The following STARD13 variants were observed in gnomAD, a reference collection of about 807,000 sequenced individuals.
STARD13 encodes the protein StAR related lipid transfer domain containing 13.
In STARD13, 62 loss-of-function variants were observed where a neutral mutation model predicts 106.4. The observed-to-expected ratio is 0.58, with a 90% CI of 0.48 to 0.72. The LOEUF is 0.72. STARD13 is among the 30% of genes least tolerant of loss of function. The pLI is 0.00. For synonymous variants in STARD13, 565 were observed against 553.0 expected, an observed-to-expected ratio of 1.02 and a Z score of -0.31; for missense variants, 1,387 against 1,424.0, an observed-to-expected ratio of 0.97 and a Z score of 0.42.
At chr13:33,499,654 T>TCTTCTTCTC in the STARD13 span, among the ~76,000 whole-genome samples, 1 of 144,044 alleles carries the variant, frequency 6.9e-6, no homozygotes, top group Non-Finnish European at 1.5e-5. Context: ...TTCTCCTTCT[T>TCTTCTTCTC]CTTCTTCTTC....
At chr13:33,450,262 A>G in the STARD13 span, among the ~76,000 whole-genome samples, 1 of 152,156 alleles carries the variant, frequency 6.6e-6, no homozygotes. Context: ...TGTTCCTTCT[A>G]TACCTAATTT....
At chr13:33,609,676 C>G in the STARD13 span, among the ~76,000 whole-genome samples, 1 of 151,854 alleles carries the variant, frequency 6.6e-6, no homozygotes, top group African/African-American at 2.4e-5. Context: ...ACGTCATTCT[C>G]CTGCCTCAGC....
chr13:33,301,571 T>TTC (rs1281959303), intron 1 of STARD13, among the ~76,000 whole-genome samples: 4 of 143,818 alleles, frequency 2.8e-5, no homozygotes, highest in African/African-American at 1.0e-4. Flanking sequence ...TTTTTTTCTT[T>TTC]TTTTTTTTTT....
the STARD13 span, among the ~76,000 whole-genome samples, chr13:33,638,958 G>A: frequency 4.7e-5 from 7 of 149,914 alleles, no homozygotes; most frequent in African/African-American, 1.7e-4. Context: ...TTTTTTTTTG[G>A]CATCTAATGA....
chr13:33,251,023 G>A (rs9597056), intron 1 of STARD13, among the ~76,000 whole-genome samples: 35,068 of 152,126 alleles, frequency 0.23, 4,434 homozygotes, highest in African/African-American at 0.32. Context: ...GAAGGGAGAC[G>A]TTATAGGTAG....
the STARD13 span, among the ~76,000 whole-genome samples, chr13:33,481,836 G>A: frequency 1.4e-4 from 19 of 133,238 alleles, no homozygotes; most frequent in South Asian, 7.1e-4. Context: ...AAAATTAGCC[G>A]GGCGTGGTGG....
chr13:33,306,132 T>C (rs551496762), intron 1 of STARD13, among the ~76,000 whole-genome samples: 93 of 152,094 alleles, frequency 6.1e-4, no homozygotes, highest in Admixed American at 1.8e-3. Flanking sequence ...AACAGATACA[T>C]AGACCAATGG....
chr13:33,519,314 T>A, the STARD13 span, among the ~76,000 whole-genome samples: 1 of 149,958 alleles, frequency 6.7e-6, no homozygotes, highest in Non-Finnish European at 1.5e-5. Flanking sequence ...TTTCTTTCTC[T>A]CTCTCTCTCT....
the STARD13 span, among the ~76,000 whole-genome samples, chr13:33,517,417 G>C: frequency 6.6e-6 from 1 of 152,102 alleles, no homozygotes; most frequent in Non-Finnish European, 1.5e-5. Context: ...TTAAAAAATG[G>C]TTTTCCTTAT....
At chr13:33,288,636 T>C (rs935513303), upstream of STARD13, among the ~76,000 whole-genome samples, 21 of 151,508 alleles carry the variant, frequency 1.4e-4, no homozygotes, top group Admixed American at 1.3e-3. Context: ...AAAAGCCAAC[T>C]TAGAATGAAG....
At chr13:33,151,556 C>A (rs1475975697) in intron 3 of STARD13, among the ~76,000 whole-genome samples, 2 of 152,208 alleles carry the variant, frequency 1.3e-5, no homozygotes, top group Non-Finnish European at 2.9e-5. Flanking sequence ...CCAACTCCAA[C>A]ACTGGGAATT....
At chr13:33,523,458 A>G in the STARD13 span, among the ~76,000 whole-genome samples, 1 of 152,154 alleles carries the variant, frequency 6.6e-6, no homozygotes. Flanking sequence ...ACCTTTTTAC[A>G]TTGTAAAGCA....
chr13:33,361,789 G>C, the STARD13 span, among the ~76,000 whole-genome samples: 1 of 152,092 alleles, frequency 6.6e-6, no homozygotes, highest in South Asian at 2.1e-4. Context: ...AGAACAGCAA[G>C]GGGGAAATCC....
chr13:33,109,495 G>A (rs1353129815), intron 12 of STARD13, among the ~76,000 whole-genome samples: 1 of 152,194 alleles, frequency 6.6e-6, no homozygotes, highest in African/African-American at 2.4e-5. Context: ...CACTTTCCCA[G>A]GGGAGAAAAA....
the STARD13 span, among the ~76,000 whole-genome samples, chr13:33,503,255 A>C: frequency 6.6e-6 from 1 of 151,990 alleles, no homozygotes; most frequent in Non-Finnish European, 1.5e-5. Flanking sequence ...TATTGCATCT[A>C]TTTGATTCTT....
intron 1 of STARD13, among the ~76,000 whole-genome samples, chr13:33,239,943 T>A (rs889729570): frequency 6.6e-6 from 1 of 152,168 alleles, no homozygotes; most frequent in East Asian, 1.9e-4. Flanking sequence ...GTGTTTTGCA[T>A]GTCATATCAA....
the STARD13 span, among the ~76,000 whole-genome samples, chr13:33,573,483 G>C: frequency 6.6e-6 from 1 of 152,010 alleles, no homozygotes; most frequent in Admixed American, 6.6e-5. Context: ...ATAAGGCTAG[G>C]GATCCTGGTG....
the STARD13 span, among the ~76,000 whole-genome samples, chr13:33,532,299 A>T: frequency 2.0e-5 from 3 of 152,160 alleles, no homozygotes; most frequent in Non-Finnish European, 4.4e-5. Context: ...AAAAAACTGA[A>T]GTTTATCTAA....
At chr13:33,624,956 T>A in the STARD13 span, among the ~76,000 whole-genome samples, 3 of 152,128 alleles carry the variant, frequency 2.0e-5, no homozygotes, top group Admixed American at 2.0e-4. Context: ...GCTGTCAGAA[T>A]CTGTACAAGG....
Sources: gnomAD v4.1 joint callset for allele counts (sites outside exome capture counted in the v4.1 genomes callset) on GRCh38, gnomAD v4.1.1 for gene constraint, MANE v1.5 for transcripts, NCBI Gene and HGNC (gene_info 2026-07-23, HGNC 2026-07-21) for gene names.